The following DSCAML1 variants were observed in gnomAD, a reference collection of about 807,000 sequenced individuals.
The protein encoded by DSCAML1 is DS cell adhesion molecule like 1, also known as cell adhesion molecule DSCAML1.
Under a neutral mutation model 200.5 loss-of-function variants are expected in DSCAML1, and 38 were observed. That is an observed-to-expected ratio of 0.19 (90% CI 0.15 to 0.25). The LOEUF is 0.25. Ranked by LOEUF, DSCAML1 falls within the 10% of genes least tolerant of loss-of-function variation. DSCAML1 has a pLI of 1.00. For missense variants in DSCAML1, 2,223 were observed against 2,858.8 expected (o/e 0.78, Z 5.07); for synonymous variants, 1,215 against 1,165.0 (o/e 1.04, Z -0.87).
intron 3 of DSCAML1, among the ~76,000 whole-genome samples, chr11:117,573,960 A>G (rs1277385023): frequency 1.3e-5 from 2 of 152,172 alleles, no homozygotes; most frequent in African/African-American, 4.8e-5. Context: ...CACGAGGCCA[A>G]GGCTGTTCTC....
intron 19 of DSCAML1, among the ~76,000 whole-genome samples, chr11:117,458,181 C>T (rs1021552883): frequency 2.0e-5 from 3 of 152,170 alleles, no homozygotes; most frequent in South Asian, 2.1e-4. Context: ...TTTCCCCTGC[C>T]CTTACCGTGT....
At chr11:117,511,026 G>T (rs903101387) in intron 8 of DSCAML1, among the ~76,000 whole-genome samples, 11 of 152,176 alleles carry the variant, frequency 7.2e-5, no homozygotes, top group African/African-American at 2.7e-4. Context: ...CCAGGTGGCT[G>T]ACTCTCCCTT....
intron 3 of DSCAML1, among the ~76,000 whole-genome samples, chr11:117,747,354 C>A (rs946176957): frequency 1.3e-5 from 2 of 152,186 alleles, no homozygotes; most frequent in African/African-American, 4.8e-5. Context: ...TGATGTAGTC[C>A]TGGGCTGGGG....
At position 117,516,601 on chromosome 11, in the gene DSCAML1, C is replaced by T. The variant is rs1470844436; in HGVS notation, c.1649G>A (p.Arg550His). 1.9e-6 allele frequency: 3 copies of T among 1,613,956 alleles called. No homozygotes were observed. The highest frequency in any genetic ancestry group is 1.7e-5 in the Admixed American group (1 of 60,000). ...GGTCCCATTCTCAAACACCACCTGG[C>T]GGTGGTTGTCTGGCAGCAGCAGGGC... ...KDALLLPDNH[R>H]QVVFENGTLK... The change falls in exon 8 of 33, where the codon CGC becomes CAC. Residue 550 changes from arginine (R) to histidine (H), a missense_variant. Arg to His is a conservative substitution (Grantham distance 29). Around this residue, in one of 7 missense-constraint regions of DSCAML1, gnomAD observed 212 missense variants for 368.0 expected, o/e 0.58. Coordinates refer to ENST00000651296, the MANE Select transcript of DSCAML1 (RefSeq NM_020693.4). The surrounding 1 kb of genome is among the most constrained non-coding windows in gnomAD (Gnocchi z 5.7).
At chr11:117,663,642 C>G (rs1204069113) in intron 3 of DSCAML1, among the ~76,000 whole-genome samples, 1 of 152,106 alleles carries the variant, frequency 6.6e-6, no homozygotes, top group African/African-American at 2.4e-5. Flanking sequence ...GCCAGAACTT[C>G]CCCTCCCCCT....
rs567514742 is a variant in DSCAML1 at position 117,589,778 on chromosome 11, A to G, written c.512-57256T>C. On this transcript the variant is annotated intron_variant, in intron 3 of 32. Coordinates refer to ENST00000651296, the MANE Select transcript of DSCAML1 (RefSeq NM_020693.4). ...AACTTGTCATTCTGGAAGGTTTCTC[A>G]GTTTAGAAACACTTTCTTGCTCCTT... Among the ~76,000 whole-genome samples the G allele has an allele frequency of 1.4e-4, 21 of 152,310 alleles. 1 individual carries two copies. Among genetic ancestry groups the G allele is most frequent in the Middle Eastern group, 6.8e-3 (2 of 294 alleles).
At chr11:117,810,897 T>C (rs2055755367) in intron 1 of DSCAML1, among the ~76,000 whole-genome samples, 1 of 152,102 alleles carries the variant, frequency 6.6e-6, no homozygotes, top group Non-Finnish European at 1.5e-5. Flanking sequence ...GTCCCCTCAG[T>C]CCCAACCCCA....
At chr11:117,794,608 G>A (rs566515502) in intron 1 of DSCAML1, among the ~76,000 whole-genome samples, 33 of 152,044 alleles carry the variant, frequency 2.2e-4, no homozygotes, top group African/African-American at 6.8e-4. Context: ...ATTGCAAGAG[G>A]ATATTGTTTT....
intron 3 of DSCAML1, among the ~76,000 whole-genome samples, chr11:117,663,704 C>T (rs1185816724): frequency 6.6e-6 from 1 of 152,200 alleles, no homozygotes; most frequent in Non-Finnish European, 1.5e-5. Context: ...TTAATCTTCT[C>T]CTTCCCTTGG....
At chr11:117,461,049 C>T (rs1339324325) in intron 18 of DSCAML1, among the ~76,000 whole-genome samples, 2 of 134,372 alleles carry the variant, frequency 1.5e-5, no homozygotes, top group Non-Finnish European at 3.1e-5. Context: ...CTCACATAGC[C>T]ATAAAGGCCT....
chr11:117,780,735 A>C lies in DSCAML1; in HGVS notation c.122T>G (p.Val41Gly), dbSNP rs2055241541. The C allele has an allele frequency of 1.3e-6, 2 of 1,560,686 alleles. No individual in the cohort carries two copies. The highest frequency in any genetic ancestry group is 2.4e-5 in the East Asian group (1 of 42,098). ...SLQQVTFSSS[V>G]GVVVPCPAAG... ...GGCCGGGCAGGGCACCACCACCCCC[A>C]CGGAGCTGGAAAAGGTCACCTGCTG... is the stretch of plus-strand genomic sequence containing the variant. Residue 41 changes from valine (V) to glycine (G), a missense_variant, in exon 2 of 33, where the codon GTG becomes GGG. By Grantham distance (109) the Val-to-Gly change is moderately radical (BLOSUM62 -3). Around this residue, in one of 7 missense-constraint regions of DSCAML1, gnomAD observed 579 missense variants for 721.5 expected, o/e 0.80. Transcript: ENST00000651296. The surrounding 1 kb of genome is among the most constrained non-coding windows in gnomAD (Gnocchi z 4.8).
chr11:117,586,371 C>T (rs566591828), intron 3 of DSCAML1, among the ~76,000 whole-genome samples: 37 of 152,346 alleles, frequency 2.4e-4, no homozygotes, highest in Admixed American at 2.0e-3. Context: ...TTGAAGTGTG[C>T]CACAAGGAAG....
chr11:117,601,328 C>T (rs1182494313), intron 3 of DSCAML1, among the ~76,000 whole-genome samples: 1 of 152,156 alleles, frequency 6.6e-6, no homozygotes, highest in African/African-American at 2.4e-5. Context: ...ATCACAAAAC[C>T]AGGGTTTGAA....
chr11:117,708,667 G>A (rs945750759), intron 3 of DSCAML1, among the ~76,000 whole-genome samples: 2 of 152,134 alleles, frequency 1.3e-5, no homozygotes, highest in Admixed American at 6.5e-5. Flanking sequence ...GTTCATTTTC[G>A]GGACTCAAAC....
At chr11:117,703,065 G>A (rs1438435873) in intron 3 of DSCAML1, among the ~76,000 whole-genome samples, 3 of 152,192 alleles carry the variant, frequency 2.0e-5, no homozygotes, top group African/African-American at 7.2e-5. Context: ...CCGTAAAGAT[G>A]CACATAAAAG....
rs1371664732 is a variant in DSCAML1 at position 117,516,721 on chromosome 11, G to A, written c.1529C>T (p.Ala510Val). ...INVRGPPSIR[A>V]MRNITAVAGR... is the part of the protein sequence containing the mutation. ...GGCGACTGCTGTGATGTTCCGCATA[G>A]CCCGGATGCTGGGTGGGCCTGGGCA... is the stretch of plus-strand genomic sequence containing the variant. The change falls in exon 8 of 33, where the codon GCT (alanine) becomes GTT (valine). Residue 510 changes from alanine to valine, a missense_variant. Coordinates refer to ENST00000651296, the MANE Select transcript of DSCAML1 (RefSeq NM_020693.4). The surrounding 1 kb of genome is among the most constrained non-coding windows in gnomAD (Gnocchi z 5.7). 1 of 1,613,332 alleles carries A rather than the reference G, an allele frequency of 6.2e-7. No individual in the cohort carries two copies. The highest frequency in any genetic ancestry group is 2.2e-5 in the East Asian group (1 of 44,870).
At chr11:117,665,324 G>A (rs2137655543) in intron 3 of DSCAML1, among the ~76,000 whole-genome samples, 1 of 152,292 alleles carries the variant, frequency 6.6e-6, no homozygotes, top group African/African-American at 2.4e-5. Context: ...ACATATCTAA[G>A]ATTTGGTTTC....
At position 117,489,846 on chromosome 11, in the gene DSCAML1, G is replaced by A. The variant is rs574196694; in HGVS notation, c.2360-7684C>T. ...GCAGCGTCCTTGCCTCCTTGTGTGT[G>A]ACTGTGAGACTCTCCAGGGCAGAAG... On this transcript the variant is annotated intron_variant, in intron 11 of 32. Coordinates refer to ENST00000651296, the MANE Select transcript of DSCAML1 (RefSeq NM_020693.4). This position sits in a 1 kb window ranked among gnomAD's most constrained non-coding sequence, Gnocchi z 4.8. Among the ~76,000 whole-genome samples the A allele has an allele frequency of 8.5e-5, 13 of 152,348 alleles. No homozygotes were observed. The South Asian group carries it at 2.7e-3, about 32-fold the overall frequency.
intron 3 of DSCAML1, among the ~76,000 whole-genome samples, chr11:117,580,396 C>G (rs1252227699): frequency 1.3e-5 from 2 of 152,300 alleles, no homozygotes; most frequent in African/African-American, 4.8e-5. Flanking sequence ...GAGGTTTACT[C>G]TGGACTGTGT....
Sources: gnomAD v4.1 joint callset for allele counts (sites outside exome capture counted in the v4.1 genomes callset) on GRCh38, gnomAD v4.1.1 for gene constraint, gnomAD v4.1.1 regional missense constraint, Gnocchi (gnomAD v3.1) non-coding constraint, MANE v1.5 for transcripts, NCBI Gene and HGNC (gene_info 2026-07-23, HGNC 2026-07-21) for gene names.